Variants in WDR59 observed in about 807,000 individuals in gnomAD.
WDR59 encodes GATOR2 complex protein WDR59.
In WDR59, 100 loss-of-function variants were observed where a neutral mutation model predicts 131.2. That is an observed-to-expected ratio of 0.76 (90% CI 0.65 to 0.90). The LOEUF (loss-of-function observed/expected upper bound fraction) is 0.90. Ranked by LOEUF, WDR59 falls within the 40% of genes least tolerant of loss-of-function variation. The pLI is 0.00. For synonymous variants in WDR59, 601 were observed against 466.2 expected, an observed-to-expected ratio of 1.29 and a Z score of -3.72; for missense variants, 1,203 against 1,262.2, an observed-to-expected ratio of 0.95 and a Z score of 0.71.
intron 17 of WDR59, among the ~76,000 whole-genome samples, chr16:74,907,079 C>T (rs1048952107): frequency 1.3e-5 from 2 of 152,150 alleles, no homozygotes; most frequent in African/African-American, 2.4e-5. Context: ...AATAAGGAAT[C>T]GGGTGTAATG....
At chr16:74,911,328 G>T (rs1966076205) in intron 14 of WDR59, among the ~76,000 whole-genome samples, 1 of 152,174 alleles carries the variant, frequency 6.6e-6, no homozygotes, top group South Asian at 2.1e-4. Flanking sequence ...GCATTTCAGA[G>T]ATCCTTAAGC....
intron 8 of WDR59, 68 bp from the exon 9 acceptor site, chr16:74,924,071 A>G: frequency 6.7e-7 from 1 of 1,494,736 alleles, no homozygotes; most frequent in Non-Finnish European, 9.2e-7. Context: ...AAATAAGCAC[A>G]GCCTTTGAAC....
chr16:74,921,292 CCA>C (rs1431542147), intron 10 of WDR59, among the ~76,000 whole-genome samples: 1 of 151,902 alleles, frequency 6.6e-6, no homozygotes, highest in Non-Finnish European at 1.5e-5. Context: ...TTCCCCTCTT[CCA>C]CAGTTAAAAC....
intron 3 of WDR59, among the ~76,000 whole-genome samples, chr16:74,955,309 G>A (rs1271738748): frequency 1.3e-5 from 2 of 152,258 alleles, no homozygotes; most frequent in Middle Eastern, 3.4e-3. Flanking sequence ...AGATCTAGCA[G>A]GTAGGGCCAG....
intron 20 of WDR59, among the ~76,000 whole-genome samples, chr16:74,891,160 TC>T (rs1965026173): frequency 6.6e-6 from 1 of 151,966 alleles, no homozygotes; most frequent in South Asian, 2.1e-4. Flanking sequence ...GGAAAACCTT[TC>T]TCAGTAGCAG....
chr16:74,907,230 G>C (rs940181294), intron 17 of WDR59, among the ~76,000 whole-genome samples: 1 of 152,248 alleles, frequency 6.6e-6, no homozygotes, highest in Non-Finnish European at 1.5e-5. Context: ...TCTCTTTCTT[G>C]TTAGCTCAGC....
Position 74,909,485 on chromosome 16 carries a change from A to C in WDR59, c.1642+16T>G, listed in dbSNP as rs761911596. 6.5e-7 allele frequency: 1 copy of C among 1,532,188 alleles called. No homozygotes were observed. Among genetic ancestry groups the C allele is most frequent in the Admixed American group, 2.2e-5 (1 of 44,704 alleles). 94.9% of individuals were successfully genotyped at this position (1,532,188 alleles called of 1,614,324 possible). A position where few individuals can be genotyped will look rare whatever the true frequency, so the allele number is the denominator to read the frequency against. ...TCCCTCTCGAAATCTAGAATCAAAGAACCAAAGAGACCCACCTGCTCCGCA... is the reference window on the plus strand; with the variant it reads ...TCCCTCTCGAAATCTAGAATCAAAGCACCAAAGAGACCCACCTGCTCCGCA... On this transcript the variant is annotated intron_variant, in intron 16 of 25. Coordinates refer to ENST00000262144, the MANE Select transcript of WDR59 (RefSeq NM_030581.4).
chr16:74,919,513 A>T (rs1213624726), intron 10 of WDR59, among the ~76,000 whole-genome samples: 5 of 136,160 alleles, frequency 3.7e-5, no homozygotes, highest in Non-Finnish European at 6.4e-5. Context: ...TTTTTTTTTT[A>T]ATATATTTTG....
intron 15 of WDR59, 40 bp from the exon 16 acceptor site, chr16:74,909,697 T>C: frequency 6.4e-7 from 1 of 1,554,888 alleles, no homozygotes; most frequent in South Asian, 1.2e-5. Flanking sequence ...CCACAACCTG[T>C]CTTAAAGCTG....
intron 18 of WDR59, chr16:74,899,590 C>G: frequency 1.1e-6 from 1 of 924,822 alleles, no homozygotes; most frequent in East Asian, 6.2e-5. Flanking sequence ...CTGAAAACAG[C>G]TCGCCTGTCA....
chr16:74,941,678 T>C (rs1222655949), intron 7 of WDR59, among the ~76,000 whole-genome samples: 2 of 143,072 alleles, frequency 1.4e-5, no homozygotes, highest in Non-Finnish European at 3.0e-5. Flanking sequence ...GACGACAGAA[T>C]GAGACTCTGT....
chr16:74,921,864 T>C lies in WDR59; in HGVS notation c.886+83A>G. 4 of 1,502,856 alleles carry C rather than the reference T, an allele frequency of 2.7e-6. No individual in the cohort carries two copies. In the South Asian group the frequency reaches 4.0e-5, roughly 15 times the overall value. The allele number at this position is 1,502,856 out of a possible 1,614,324, so 93.1% of individuals were successfully genotyped here. A position where few individuals can be genotyped will look rare whatever the true frequency, so the allele number is the denominator to read the frequency against. ...AGCCCAGCTCTCTCTATGTCTTCTT[T>C]ACTGGACTCCATGGCAACACTGACT... On this transcript the variant is annotated intron_variant, in intron 10 of 25. Transcript: ENST00000262144.
At chr16:74,911,650 G>C (rs367745859) in intron 14 of WDR59, among the ~76,000 whole-genome samples, 1 of 152,178 alleles carries the variant, frequency 6.6e-6, no homozygotes, top group African/African-American at 2.4e-5. Context: ...TAGCCAGCCT[G>C]TCTCTAGGAT....
At position 74,877,787 on chromosome 16, in the gene WDR59, C is replaced by T. The variant is rs187651898; in HGVS notation, c.2690-3343G>A. ...CTCGAACTCCTGACCTCAGGTGATC[C>T]ACCTGCCTCGGCTTCCCAAAGTGCT... On this transcript the variant is annotated intron_variant, in intron 25 of 25. Transcript: ENST00000262144. 5.9e-5 allele frequency among the ~76,000 whole-genome samples: 9 copies of T among 152,302 alleles called. No homozygotes were observed. The East Asian group carries it at 1.2e-3, about 20-fold the overall frequency.
At chr16:74,882,054 C>G (rs927964691) in intron 25 of WDR59, among the ~76,000 whole-genome samples, 2 of 152,106 alleles carry the variant, frequency 1.3e-5, no homozygotes, top group Non-Finnish European at 2.9e-5. Flanking sequence ...GTTTATACTT[C>G]ATTCTCTCTG....
intron 17 of WDR59, among the ~76,000 whole-genome samples, chr16:74,905,416 T>A (rs1222990765): frequency 6.6e-6 from 1 of 150,812 alleles, no homozygotes; most frequent in Non-Finnish European, 1.5e-5. Context: ...GCACGGTGGC[T>A]CACGCTCGTA....
At chr16:74,877,239 C>A (rs1412675134) in intron 25 of WDR59, among the ~76,000 whole-genome samples, 1 of 143,008 alleles carries the variant, frequency 7.0e-6, no homozygotes, top group African/African-American at 2.5e-5. Flanking sequence ...TATCTCAAAA[C>A]ACACACACAC....
At chr16:74,922,434 C>T (rs1333024151) in intron 9 of WDR59, among the ~76,000 whole-genome samples, 4 of 152,196 alleles carry the variant, frequency 2.6e-5, no homozygotes, top group Non-Finnish European at 5.9e-5. Flanking sequence ...AGTTACCACT[C>T]AAGAGATACT....
chr16:74,916,314 A>G, intron 11 of WDR59, 55 bp from the exon 12 acceptor site: 2 of 1,608,558 alleles, frequency 1.2e-6, no homozygotes, highest in Non-Finnish European at 1.7e-6. Flanking sequence ...AATGATTGTC[A>G]TGTCTGATTA....
Sources: gnomAD v4.1 joint callset for allele counts (sites outside exome capture counted in the v4.1 genomes callset) on GRCh38, gnomAD v4.1.1 for gene constraint, MANE v1.5 for transcripts, NCBI Gene and HGNC (gene_info 2026-07-23, HGNC 2026-07-21) for gene names.